SNTG1: variants seen among roughly 807,000 people sequenced by gnomAD.
The protein encoded by SNTG1 is syntrophin gamma 1.
A neutral mutation model predicts 74.7 loss-of-function variants in SNTG1; 39 were observed. The observed-to-expected ratio is 0.52, with a 90% confidence interval of 0.40 to 0.68. SNTG1 has a LOEUF of 0.68. Among genes scored for constraint, SNTG1 ranks in the 30% least tolerant of loss-of-function variants. The pLI is 0.00. For missense variants in SNTG1, 685 were observed against 609.5 expected (o/e 1.12, Z -1.30); for synonymous variants, 254 against 217.1 (o/e 1.17, Z -1.49).
chr8:50,765,167 T>G (rs1011738199), intron 18 of SNTG1, among the ~76,000 whole-genome samples: 11 of 152,022 alleles, frequency 7.2e-5, no homozygotes, highest in African/African-American at 2.4e-4. Flanking sequence ...TAAGAGATGA[T>G]AAGTATCTGA....
At position 50,614,234 on chromosome 8, in the gene SNTG1, G is replaced by A. The variant is rs140021173; in HGVS notation, c.849+23317G>A. Among the ~76,000 whole-genome samples the A allele has an allele frequency of 2.3e-3, 356 of 152,160 alleles. 3 individuals carry two copies. Among genetic ancestry groups the A allele is most frequent in the African/African-American group, 8.3e-3 (345 of 41,542 alleles). On this transcript the variant is annotated intron_variant, in intron 13 of 18. Transcript: ENST00000642720. ...TGGGATATATATTTTTTGTGGCATT[G>A]TGATTCTTACAGTTTCAAGTAAATT...
At chr8:50,044,130 TAA>T (rs1818876313) in intron 1 of SNTG1, among the ~76,000 whole-genome samples, 2 of 152,210 alleles carry the variant, frequency 1.3e-5, no homozygotes, top group Non-Finnish European at 2.9e-5. Flanking sequence ...CGCCAGGGGT[TAA>T]ACTCACAGAA....
At chr8:50,659,686 G>C (rs1395324205) in intron 15 of SNTG1, among the ~76,000 whole-genome samples, 1 of 152,138 alleles carries the variant, frequency 6.6e-6, no homozygotes, top group African/African-American at 2.4e-5. Flanking sequence ...GAGTTCTTCT[G>C]TAGGCGTAAT....
At position 50,422,839 on chromosome 8, in the gene SNTG1, T is replaced by C. The variant is rs989820936; in HGVS notation, c.163-15704T>C. Reference sequence around the variant, plus strand: ...CACTTTACTAGAATGCAGGCTCCTCTACTCTTCCCTAGTCAGGTGATCTCT... The same window carrying C: ...CACTTTACTAGAATGCAGGCTCCTCCACTCTTCCCTAGTCAGGTGATCTCT... On this transcript the variant is annotated intron_variant, in intron 4 of 18. Transcript: ENST00000642720. Among the ~76,000 whole-genome samples, 3 of 152,336 alleles carry C rather than the reference T, an allele frequency of 2.0e-5. No homozygotes were observed. In the South Asian group the frequency reaches 6.2e-4, roughly 32 times the overall value.
intron 13 of SNTG1, among the ~76,000 whole-genome samples, chr8:50,635,370 T>G (rs1216710161): frequency 6.6e-6 from 1 of 152,142 alleles, no homozygotes; most frequent in African/African-American, 2.4e-5. Flanking sequence ...TGTCTTTCCC[T>G]TAGGGGCAGT....
At chr8:49,972,974 G>T (rs1048876101) in intron 1 of SNTG1, among the ~76,000 whole-genome samples, 26 of 152,162 alleles carry the variant, frequency 1.7e-4, no homozygotes, top group African/African-American at 5.6e-4. Context: ...CAGGGATCTA[G>T]AACTAGAAAT....
intron 10 of SNTG1, among the ~76,000 whole-genome samples, chr8:50,530,756 A>G (rs2094260348): frequency 6.6e-6 from 1 of 152,220 alleles, no homozygotes; most frequent in Admixed American, 6.5e-5. Flanking sequence ...TGTATTTAGT[A>G]GAAGTTAAAA....
intron 13 of SNTG1, among the ~76,000 whole-genome samples, chr8:50,615,493 G>T (rs1585852841): frequency 6.6e-6 from 1 of 152,078 alleles, no homozygotes; most frequent in African/African-American, 2.4e-5. Flanking sequence ...AAGCATAACC[G>T]AATACAGAGA....
chr8:50,162,573 A>AG (rs569441054), intron 1 of SNTG1, among the ~76,000 whole-genome samples: 128 of 150,938 alleles, frequency 8.5e-4, no homozygotes, highest in Admixed American at 2.8e-3. Flanking sequence ...AAAAAAAAAA[A>AG]AAAAGAAAAA....
chr8:50,645,305 T>A (rs532738078), intron 13 of SNTG1, among the ~76,000 whole-genome samples: 1 of 151,992 alleles, frequency 6.6e-6, no homozygotes, highest in South Asian at 2.1e-4. Flanking sequence ...TTAGTTTTTC[T>A]ATTTTTTATT....
intron 2 of SNTG1, among the ~76,000 whole-genome samples, chr8:50,332,393 C>G (rs1490568991): frequency 2.0e-5 from 3 of 151,696 alleles, no homozygotes; most frequent in African/African-American, 7.3e-5. Flanking sequence ...TGGCCCCCAC[C>G]AGGCAAGAAA....
At chr8:50,020,382 T>G (rs933696362) in intron 1 of SNTG1, among the ~76,000 whole-genome samples, 1 of 152,138 alleles carries the variant, frequency 6.6e-6, no homozygotes, top group Admixed American at 6.6e-5. Flanking sequence ...CAGGCTGCTA[T>G]TCATCTCTCT....
At chr8:50,164,824 C>A (rs1211136572) in intron 1 of SNTG1, among the ~76,000 whole-genome samples, 1 of 152,110 alleles carries the variant, frequency 6.6e-6, no homozygotes, top group Admixed American at 6.5e-5. Context: ...ACTTATTATG[C>A]TCCTTGGCTT....
At chr8:50,570,591 G>GTTGTTGTTGTTGTTA (rs137977278) in intron 12 of SNTG1, among the ~76,000 whole-genome samples, 14 of 130,162 alleles carry the variant, frequency 1.1e-4, no homozygotes, top group African/African-American at 3.5e-4. Context: ...TATTATTGTT[G>GTTGTTGTTGTTGTTA]TTATTATTAT....
rs58030144 is a variant in SNTG1 at position 50,395,506 on chromosome 8, G to GGTTC, written c.27+1241_27+1242insGTTC. Among the ~76,000 whole-genome samples the GGTTC allele has an allele frequency of 5.9e-5, 8 of 135,656 alleles. No homozygotes were observed. The Admixed American group carries it at 6.0e-4, about 10-fold the overall frequency. 89.0% of individuals were successfully genotyped at this position (135,656 alleles called of 152,430 possible). A position where few individuals can be genotyped will look rare whatever the true frequency, so the allele number is the denominator to read the frequency against. On this transcript the variant is annotated intron_variant, in intron 3 of 18. Coordinates refer to ENST00000642720, the MANE Select transcript of SNTG1 (RefSeq NM_018967.5). ...TTTAAATTTTAATTGTCTAATTTCT[G>GGTTC]TTTTTTTTTTTTTTTTTAATGGAGT... is the stretch of plus-strand genomic sequence containing the variant.
intron 1 of SNTG1, among the ~76,000 whole-genome samples, chr8:50,014,328 G>A (rs971369341): frequency 6.6e-6 from 1 of 152,090 alleles, no homozygotes; most frequent in African/African-American, 2.4e-5. Flanking sequence ...AATACAAAAT[G>A]TGCACCCCAC....
At chr8:50,619,008 T>G (rs2094903324) in intron 13 of SNTG1, among the ~76,000 whole-genome samples, 1 of 152,126 alleles carries the variant, frequency 6.6e-6, no homozygotes, top group African/African-American at 2.4e-5. Context: ...TTTTCCCTAG[T>G]CTGTCTTGTG....
At chr8:50,466,518 A>G (rs932126200) in intron 8 of SNTG1, among the ~76,000 whole-genome samples, 12 of 152,012 alleles carry the variant, frequency 7.9e-5, no homozygotes, top group Admixed American at 2.0e-4. Flanking sequence ...GTTGCAATTT[A>G]AAGTCTTTTG....
At chr8:50,311,313 C>T (rs2090102197) in intron 2 of SNTG1, among the ~76,000 whole-genome samples, 1 of 152,158 alleles carries the variant, frequency 6.6e-6, no homozygotes, top group South Asian at 2.1e-4. Flanking sequence ...CACAGTGTGC[C>T]ACTTTAGGAA....
Sources: allele counts gnomAD v4.1 joint callset (sites outside exome capture counted in the v4.1 genomes callset), GRCh38; gene constraint gnomAD v4.1.1; transcripts MANE v1.5; gene names NCBI Gene and HGNC (gene_info 2026-07-23, HGNC 2026-07-21).